NNT: variants seen among roughly 807,000 people sequenced by gnomAD.
NNT encodes NAD(P) transhydrogenase, mitochondrial.
NNT carries 50 observed loss-of-function variants against 104.8 expected under a neutral mutation model. The ratio of observed to expected loss-of-function variants is 0.48; its 90% CI spans 0.38 to 0.60. NNT has a LOEUF of 0.60. NNT is among the 20% of genes least tolerant of loss of function. The pLI is 0.00. For missense variants in NNT, 1,131 were observed against 1,330.7 expected (o/e 0.85, Z 2.33); for synonymous variants, 461 against 490.4 (o/e 0.94, Z 0.79).
chr5:43,609,099 GT>G, intron 1 of NNT, 43 bp from the exon 2 acceptor site: 1 of 909,100 alleles, frequency 1.1e-6, no homozygotes, highest in East Asian at 2.4e-5. Context: ...AAGACAAATA[GT>G]TTTTTTCTTG....
intron 17 of NNT, among the ~76,000 whole-genome samples, chr5:43,666,287 C>T (rs1177287109): frequency 6.6e-6 from 1 of 152,080 alleles, no homozygotes; most frequent in Non-Finnish European, 1.5e-5. Flanking sequence ...TGCCACTGCA[C>T]TCCAGCCTGG....
intron 19 of NNT, among the ~76,000 whole-genome samples, chr5:43,684,274 A>C (rs926818974): frequency 9.2e-5 from 14 of 152,048 alleles, no homozygotes; most frequent in African/African-American, 3.4e-4. Context: ...AGAATTCAGA[A>C]ACAGAGTAGC....
At chr5:43,647,362 T>C (rs1373265770) in intron 10 of NNT, among the ~76,000 whole-genome samples, 2 of 152,190 alleles carry the variant, frequency 1.3e-5, no homozygotes, top group African/African-American at 2.4e-5. Flanking sequence ...CATAAGGAAA[T>C]GTAGCAAGGC....
chr5:43,625,717 C>G (rs1408110265), intron 6 of NNT, among the ~76,000 whole-genome samples: 1 of 152,006 alleles, frequency 6.6e-6, no homozygotes, highest in Non-Finnish European at 1.5e-5. Flanking sequence ...GATTATCTTG[C>G]CTAATGCTTG....
chr5:43,623,016 C>T (rs1216006619), intron 5 of NNT, among the ~76,000 whole-genome samples: 1 of 151,746 alleles, frequency 6.6e-6, no homozygotes, highest in African/African-American at 2.4e-5. Context: ...TGCTTTGAAG[C>T]CTAGAGCCTG....
intron 8 of NNT, 86 bp downstream of exon 8, chr5:43,644,411 C>A: frequency 6.7e-7 from 1 of 1,490,120 alleles, no homozygotes; most frequent in Non-Finnish European, 9.1e-7. Flanking sequence ...TATTTAGAGA[C>A]ATTAAGGCTT....
intron 2 of NNT, among the ~76,000 whole-genome samples, chr5:43,611,480 C>T (rs1045203487): frequency 1.3e-5 from 2 of 152,150 alleles, no homozygotes; most frequent in African/African-American, 4.8e-5. Flanking sequence ...GCTAAGTGAA[C>T]TTGAGATGAG....
upstream of NNT, chr5:43,602,775 T>C (rs544735174): frequency 2.6e-5 from 4 of 152,410 alleles, no homozygotes; most frequent in African/African-American, 9.6e-5. Flanking sequence ...GGAGTTATAT[T>C]ACCTGTTTCT....
At chr5:43,620,307 C>A (rs1750012531) in intron 5 of NNT, among the ~76,000 whole-genome samples, 1 of 152,002 alleles carries the variant, frequency 6.6e-6, no homozygotes, top group African/African-American at 2.4e-5. Context: ...GCAAGCTCCA[C>A]CTCCCGGGTT....
intron 10 of NNT, chr5:43,648,126 T>A: frequency 8.4e-7 from 1 of 1,184,630 alleles, no homozygotes; most frequent in Non-Finnish European, 1.1e-6. Flanking sequence ...TGTATCTAAC[T>A]CTCTCACCAG....
intron 19 of NNT, among the ~76,000 whole-genome samples, chr5:43,694,247 T>C (rs1040083152): frequency 4.6e-5 from 7 of 152,220 alleles, no homozygotes; most frequent in Non-Finnish European, 1.0e-4. Context: ...TGACTTCCTC[T>C]TTTCCTATTT....
chr5:43,645,653 A>ATCTCTC (rs372296149), intron 10 of NNT, 143 bp downstream of exon 10: 21 of 68,556 alleles, frequency 3.1e-4, no homozygotes, highest in East Asian at 1.2e-3. Flanking sequence ...CTATCTATCT[A>ATCTCTC]TCTCTCTCTC....
At chr5:43,649,084 C>A in intron 10 of NNT, 63 bp from the exon 11 acceptor site, 5 of 1,556,078 alleles carry the variant, frequency 3.2e-6, no homozygotes, top group Non-Finnish European at 4.4e-6. Flanking sequence ...TATGTATGTG[C>A]TTTTAATCTT....
At chr5:43,671,960 T>C (rs1741123680) in intron 17 of NNT, among the ~76,000 whole-genome samples, 1 of 152,228 alleles carries the variant, frequency 6.6e-6, no homozygotes, top group Non-Finnish European at 1.5e-5. Context: ...TAGTCCCATA[T>C]TTCTTGGAGG....
chr5:43,628,491 G>T, intron 7 of NNT, 104 bp downstream of exon 7: 1 of 845,590 alleles, frequency 1.2e-6, no homozygotes, highest in Non-Finnish European at 1.8e-6. Flanking sequence ...CTTTAAGGAA[G>T]GATCTAGTAC....
rs556968006 is a variant in NNT at position 43,677,890 on chromosome 5, T to A, written c.2876+84T>A. On this transcript the variant is annotated intron_variant, in intron 19 of 21. Coordinates refer to ENST00000344920, the MANE Select transcript of NNT (RefSeq NM_182977.3). Reference sequence around the variant, plus strand: ...GGAAATACAGTGGACCCTTGAACAATGTAGGGGTTAGGGCACTGACCCGCC... The same window carrying A: ...GGAAATACAGTGGACCCTTGAACAAAGTAGGGGTTAGGGCACTGACCCGCC... 5 of 1,139,950 alleles carry A rather than the reference T, an allele frequency of 4.4e-6. No individual in the cohort carries two copies. In the African/African-American group the frequency reaches 7.6e-5, roughly 17 times the overall value. 70.6% of individuals were successfully genotyped at this position (1,139,950 alleles called of 1,614,324 possible).
chr5:43,645,409 C>T lies in NNT; in HGVS notation c.1343C>T (p.Ala448Val). The T allele has an allele frequency of 6.4e-7, 1 of 1,566,886 alleles. No homozygotes were observed. Among genetic ancestry groups the T allele is most frequent in the Non-Finnish European group, 8.7e-7 (1 of 1,155,062 alleles). Residue 448 changes from alanine (A) to valine (V), a missense_variant, in exon 10 of 22, where the codon GCC becomes GTC. Physicochemically the swap from Ala to Val is moderately conservative, Grantham distance 64. Coordinates refer to ENST00000344920, the MANE Select transcript of NNT (RefSeq NM_182977.3). Reference protein sequence around the residue: ...APTPKNIPQGAPVKQKTVAEL... With the variant: ...APTPKNIPQGVPVKQKTVAEL... Reference sequence around the variant, plus strand: ...ACACCGAAAAATATTCCTCAAGGTGCCCCAGTAAAACAGAAGACAGTGGCT... The same window carrying T: ...ACACCGAAAAATATTCCTCAAGGTGTCCCAGTAAAACAGAAGACAGTGGCT...
chr5:43,655,808 A>G (rs1473972673), intron 14 of NNT, 32 bp from the exon 15 acceptor site: 1 of 1,534,086 alleles, frequency 6.5e-7, no homozygotes, highest in East Asian at 2.3e-5. Flanking sequence ...AAGTTTGTCA[A>G]GTTTTAATTT....
intron 8 of NNT, 24 bp downstream of exon 8, chr5:43,644,349 C>G (rs1165888392): frequency 1.9e-6 from 3 of 1,608,632 alleles, no homozygotes; most frequent in Non-Finnish European, 2.5e-6. Flanking sequence ...CGTTTTCTAT[C>G]TGTGATCACT....
Sources: allele counts gnomAD v4.1 joint callset (sites outside exome capture counted in the v4.1 genomes callset), GRCh38; gene constraint gnomAD v4.1.1; transcripts MANE v1.5; gene names NCBI Gene and HGNC (gene_info 2026-07-23, HGNC 2026-07-21).